Variants in TNFAIP8L3 observed in about 807,000 individuals in gnomAD.
TNFAIP8L3 encodes TNF alpha induced protein 8 like 3, also known as tumor necrosis factor alpha-induced protein 8-like protein 3.
A neutral mutation model predicts 11.8 loss-of-function variants in TNFAIP8L3; 7 were observed. The observed-to-expected ratio is 0.59, with a 90% CI of 0.34 to 1.11. TNFAIP8L3 has a LOEUF of 1.11. TNFAIP8L3 is among the 50% of genes most tolerant of loss of function. TNFAIP8L3 has a pLI of 0.03. For synonymous variants in TNFAIP8L3, 98 were observed against 103.8 expected, an observed-to-expected ratio of 0.94 and a Z score of 0.34; for missense variants, 219 against 258.6, an observed-to-expected ratio of 0.85 and a Z score of 1.05.
upstream of TNFAIP8L3, among the ~76,000 whole-genome samples, chr15:51,098,661 A>G (rs541841922): frequency 1.3e-5 from 2 of 152,382 alleles, no homozygotes; most frequent in Non-Finnish European, 2.9e-5. Flanking sequence ...ATTGGAAAAT[A>G]CATATAAACA....
chr15:51,076,621 G>C (rs1163346617), intron 1 of TNFAIP8L3, among the ~76,000 whole-genome samples: 3 of 152,148 alleles, frequency 2.0e-5, no homozygotes, highest in Non-Finnish European at 4.4e-5. Context: ...AAGATGCCAG[G>C]GTGTATCCAT....
intron 1 of TNFAIP8L3, chr15:51,064,613 C>T (rs539260407): frequency 2.0e-5 from 3 of 152,112 alleles, no homozygotes; most frequent in Non-Finnish European, 4.4e-5. Context: ...CAGAGCTTAA[C>T]GGGGAAGCTG....
intron 1 of TNFAIP8L3, among the ~76,000 whole-genome samples, chr15:51,077,905 T>A (rs984241516): frequency 3.3e-5 from 5 of 152,232 alleles, no homozygotes; most frequent in Non-Finnish European, 7.3e-5. Context: ...AGCTTTCTTT[T>A]AATAAATTCT....
intron 1 of TNFAIP8L3, among the ~76,000 whole-genome samples, chr15:51,093,567 G>A (rs146216699): frequency 1.3e-5 from 2 of 152,204 alleles, no homozygotes; most frequent in Admixed American, 1.3e-4. Flanking sequence ...ACACTGGGAA[G>A]AGTGGGGGCT....
chr15:51,085,621 CTTTTT>C (rs201800961), intron 1 of TNFAIP8L3, among the ~76,000 whole-genome samples: 1 of 140,342 alleles, frequency 7.1e-6, no homozygotes, highest in Non-Finnish European at 1.6e-5. Context: ...AGCTCCGATT[CTTTTT>C]TTTTTTTTTT....
intron 1 of TNFAIP8L3, among the ~76,000 whole-genome samples, chr15:51,077,535 T>C (rs967888550): frequency 6.6e-6 from 1 of 152,138 alleles, no homozygotes; most frequent in Non-Finnish European, 1.5e-5. Flanking sequence ...CTGGCTTCAA[T>C]TGTTTGTACC....
At chr15:51,074,204 TGA>T (rs1438863776) in intron 1 of TNFAIP8L3, among the ~76,000 whole-genome samples, 1 of 152,230 alleles carries the variant, frequency 6.6e-6, no homozygotes, top group Admixed American at 6.5e-5. Flanking sequence ...TTTCTGTGTC[TGA>T]GAGTGTTTAT....
At chr15:51,065,222 C>A (rs755266832) in intron 1 of TNFAIP8L3, among the ~76,000 whole-genome samples, 5 of 151,926 alleles carry the variant, frequency 3.3e-5, no homozygotes, top group Admixed American at 2.0e-4. Flanking sequence ...GAATAAGGAC[C>A]CTTCGATCAT....
intron 1 of TNFAIP8L3, among the ~76,000 whole-genome samples, chr15:51,063,218 A>C (rs750973376): frequency 6.6e-6 from 1 of 152,224 alleles, no homozygotes; most frequent in Non-Finnish European, 1.5e-5. Context: ...TTACAGCAGC[A>C]ATAGGAAATG....
intron 1 of TNFAIP8L3, among the ~76,000 whole-genome samples, chr15:51,088,280 G>C (rs56369578): frequency 6.6e-6 from 1 of 152,012 alleles, no homozygotes; most frequent in Non-Finnish European, 1.5e-5. Flanking sequence ...AAAGGCAAGT[G>C]CTGTATTTTT....
rs187777855 is a variant in TNFAIP8L3 at position 51,071,100 on chromosome 15, T to C, written c.53-12657A>G. On this transcript the variant is annotated intron_variant, in intron 1 of 1. Coordinates refer to ENST00000637513, the MANE Select transcript of TNFAIP8L3 (RefSeq NM_001311175.2). Reference sequence around the variant, plus strand: ...AATTAATTTTCTAAAAACCACCAAGTGTTTCAAACATATAAATAGATAAAA... The same window carrying C: ...AATTAATTTTCTAAAAACCACCAAGCGTTTCAAACATATAAATAGATAAAA... 1.6e-4 allele frequency among the ~76,000 whole-genome samples: 23 copies of C among 144,336 alleles called. 1 individual carries two copies. Among genetic ancestry groups the C allele is most frequent in the African/African-American group, 5.5e-4 (22 of 39,654 alleles). 94.7% of individuals were successfully genotyped at this position (144,336 alleles called of 152,430 possible).
chr15:51,075,039 G>A (rs1195240877), intron 1 of TNFAIP8L3, among the ~76,000 whole-genome samples: 1 of 152,204 alleles, frequency 6.6e-6, no homozygotes, highest in African/African-American at 2.4e-5. Context: ...CTATGCAGAA[G>A]TTACTCAGTA....
chr15:51,068,549 G>T (rs751544811), intron 1 of TNFAIP8L3, among the ~76,000 whole-genome samples: 2 of 152,000 alleles, frequency 1.3e-5, no homozygotes, highest in East Asian at 1.9e-4. Flanking sequence ...ATGCAAACAC[G>T]TCCATTTAGC....
intron 1 of TNFAIP8L3, among the ~76,000 whole-genome samples, chr15:51,083,538 C>CAGCG (rs1188474708): frequency 2.0e-5 from 3 of 152,226 alleles, no homozygotes; most frequent in East Asian, 3.8e-4. Context: ...CCCTGCCAGC[C>CAGCG]AGCGAGCAGC....
chr15:51,078,277 C>T (rs2065368764), intron 1 of TNFAIP8L3, among the ~76,000 whole-genome samples: 1 of 142,990 alleles, frequency 7.0e-6, no homozygotes, highest in South Asian at 2.2e-4. Context: ...AGGGCATTTT[C>T]GGTTGTCACA....
chr15:51,073,446 A>G (rs572609216), intron 1 of TNFAIP8L3, among the ~76,000 whole-genome samples: 1 of 152,258 alleles, frequency 6.6e-6, no homozygotes, highest in Admixed American at 6.5e-5. Flanking sequence ...ACTTCTAGCT[A>G]CCTTACAGTT....
chr15:51,083,177 A>C (rs544429356), intron 1 of TNFAIP8L3, among the ~76,000 whole-genome samples: 20 of 152,254 alleles, frequency 1.3e-4, no homozygotes, highest in African/African-American at 4.8e-4. Context: ...ATGATCTCTT[A>C]TTTTTAGCTT....
At chr15:51,093,983 G>A (rs1234757294) in intron 1 of TNFAIP8L3, among the ~76,000 whole-genome samples, 2 of 152,124 alleles carry the variant, frequency 1.3e-5, no homozygotes, top group Non-Finnish European at 2.9e-5. Flanking sequence ...GGACCTTCTG[G>A]ACCTTCTCCG....
intron 1 of TNFAIP8L3, among the ~76,000 whole-genome samples, chr15:51,072,669 CTATT>C (rs1380106351): frequency 6.6e-6 from 1 of 152,056 alleles, no homozygotes; most frequent in Non-Finnish European, 1.5e-5. Context: ...ACGATTTATT[CTATT>C]TATTGAATAG....
Sources: allele counts gnomAD v4.1 joint callset (sites outside exome capture counted in the v4.1 genomes callset), GRCh38; gene constraint gnomAD v4.1.1; transcripts MANE v1.5; gene names NCBI Gene and HGNC (gene_info 2026-07-23, HGNC 2026-07-21).